NUMA1: variants seen among roughly 807,000 people sequenced by gnomAD.
The protein encoded by NUMA1 is SP-H antigen.
A neutral mutation model predicts 237.1 loss-of-function variants in NUMA1; 62 were observed. That is an observed-to-expected ratio of 0.26 (90% CI 0.21 to 0.32). NUMA1 has a LOEUF of 0.32. NUMA1 is among the 10% of genes least tolerant of loss of function. The pLI is 1.00. For synonymous variants in NUMA1, 1,028 were observed against 1,066.1 expected, an observed-to-expected ratio of 0.96 and a Z score of 0.70; for missense variants, 2,533 against 2,666.5, an observed-to-expected ratio of 0.95 and a Z score of 1.10.
intron 4 of NUMA1, 123 bp from the exon 5 acceptor site, chr11:72,024,476 GAT>G: frequency 2.3e-6 from 2 of 858,904 alleles, no homozygotes; most frequent in Non-Finnish European, 3.8e-6. Flanking sequence ...AAGAGATCCA[GAT>G]CAGATCCTGG....
intron 1 of NUMA1, among the ~76,000 whole-genome samples, chr11:72,072,913 G>A (rs1189479098): frequency 1.3e-5 from 2 of 151,928 alleles, no homozygotes; most frequent in African/African-American, 4.8e-5. Context: ...GCGGTGGCGG[G>A]TGCCTGTAGT....
At chr11:72,068,053 T>G (rs1943277489) in intron 2 of NUMA1, 1 of 152,256 alleles carries the variant, frequency 6.6e-6, no homozygotes, top group Non-Finnish European at 1.5e-5. Context: ...ATACATCATT[T>G]CTGCCTAAAA....
chr11:72,042,099 G>C (rs4945430), intron 2 of NUMA1: 119,626 of 152,228 alleles, frequency 0.79, 50,173 homozygotes, highest in Non-Finnish European at 0.94. Flanking sequence ...ACGCAGGCAC[G>C]GGGACTTGTA....
rs755128206 is a variant in NUMA1 at position 72,013,125 on chromosome 11, G to T, written c.4378C>A (p.Leu1460Ile). The T allele has an allele frequency of 1.8e-5, 29 of 1,614,048 alleles. No homozygotes were observed. The African/African-American group carries it at 3.9e-4, about 22-fold the overall frequency. ...ENRGLGERAN[L>I]GRQFLEVELD... is the part of the protein sequence containing the mutation. ...TCCACTTCCAGAAACTGCCGGCCAAGGTTGGCCCGCTCACCCAGCCCCCGG... is the reference window on the plus strand; with the variant it reads ...TCCACTTCCAGAAACTGCCGGCCAATGTTGGCCCGCTCACCCAGCCCCCGG... Residue 1460 changes from leucine to isoleucine, a missense_variant, in exon 15 of 27, where the codon CTT (leucine) becomes ATT (isoleucine). By Grantham distance (5) the Leu-to-Ile change is conservative. This residue lies in a region of NUMA1 where 324 missense variants were observed against 407.6 expected (regional missense o/e 0.79). Coordinates refer to ENST00000393695, the MANE Select transcript of NUMA1 (RefSeq NM_006185.4). This position sits in a 1 kb window ranked among gnomAD's most constrained non-coding sequence, Gnocchi z 6.8.
intron 2 of NUMA1, among the ~76,000 whole-genome samples, chr11:72,053,455 C>G (rs1942474537): frequency 6.6e-6 from 1 of 152,170 alleles, no homozygotes; most frequent in Admixed American, 6.6e-5. Context: ...ATGAAAGGTT[C>G]CAAACTATAT....
intron 8 of NUMA1, among the ~76,000 whole-genome samples, 154 bp from the exon 9 acceptor site, chr11:72,019,771 A>C (rs929994124): frequency 6.6e-6 from 1 of 152,232 alleles, no homozygotes; most frequent in Admixed American, 6.5e-5. Flanking sequence ...GCAGAACCTG[A>C]AACCTGGTGC....
Position 72,015,536 on chromosome 11 carries a change from T to C in NUMA1, c.1967A>G (p.Gln656Arg), listed in dbSNP as rs2135035754. ...CTGGCGGGCTGTCTCAACACAGGCC[T>C]GGAGTTCCTCCACCTTCCGGCTCAG... ...AELSRKVEELQACVETARQEQ... is the reference protein window; with the variant it reads ...AELSRKVEELRACVETARQEQ... Residue 656 changes from glutamine to arginine, a missense_variant, in exon 15 of 27, where the codon CAG (glutamine) becomes CGG (arginine). Physicochemically the swap from Gln to Arg is conservative, Grantham distance 43. Coordinates refer to ENST00000393695, the MANE Select transcript of NUMA1 (RefSeq NM_006185.4). The surrounding 1 kb of genome is among the most constrained non-coding windows in gnomAD (Gnocchi z 4.0). The C allele has an allele frequency of 6.2e-7, 1 of 1,613,588 alleles. No homozygotes were observed. The highest frequency in any genetic ancestry group is 8.5e-7 in the Non-Finnish European group (1 of 1,180,038).
chr11:72,010,613 C>T (rs1401764778), intron 17 of NUMA1, among the ~76,000 whole-genome samples, 173 bp downstream of exon 17: 1 of 152,168 alleles, frequency 6.6e-6, no homozygotes, highest in Non-Finnish European at 1.5e-5. Context: ...GGTTGTCTCT[C>T]GAGAGCTCCC....
chr11:72,079,639 C>T (rs1943950804), intron 1 of NUMA1, among the ~76,000 whole-genome samples: 1 of 152,066 alleles, frequency 6.6e-6, no homozygotes, highest in Non-Finnish European at 1.5e-5. Flanking sequence ...CACCCACAAT[C>T]TTCACACAGT....
intron 2 of NUMA1, among the ~76,000 whole-genome samples, chr11:72,058,026 G>C (rs565093461): frequency 7.3e-4 from 111 of 152,148 alleles, no homozygotes; most frequent in African/African-American, 2.6e-3. Context: ...AGCCAAGATT[G>C]TGCCACTGCA....
At chr11:72,021,646 C>A (rs559888629) in intron 7 of NUMA1, among the ~76,000 whole-genome samples, 1 of 152,340 alleles carries the variant, frequency 6.6e-6, no homozygotes, top group African/African-American at 2.4e-5. Flanking sequence ...CTTGCTCTGT[C>A]ACCCAGGCTG....
At chr11:72,034,763 C>T (rs73533784) in intron 3 of NUMA1, among the ~76,000 whole-genome samples, 1,693 of 152,098 alleles carry the variant, frequency 0.011, 20 homozygotes, top group African/African-American at 0.039. Flanking sequence ...GTCAGAGAGA[C>T]CAGTGCTGTG....
intron 3 of NUMA1, among the ~76,000 whole-genome samples, chr11:72,035,578 T>C (rs2135708068): frequency 6.6e-6 from 1 of 151,970 alleles, no homozygotes; most frequent in South Asian, 2.1e-4. Flanking sequence ...CAGCTAATTT[T>C]TGTATTTTTA....
intron 4 of NUMA1, among the ~76,000 whole-genome samples, chr11:72,026,821 G>GT (rs1158533646): frequency 6.6e-6 from 1 of 152,186 alleles, no homozygotes; most frequent in Non-Finnish European, 1.5e-5. Flanking sequence ...TATCAGAAAT[G>GT]TAAGAGCCAG....
At chr11:72,031,730 CT>C (rs1940344994) in intron 3 of NUMA1, among the ~76,000 whole-genome samples, 3 of 152,052 alleles carry the variant, frequency 2.0e-5, no homozygotes, top group African/African-American at 7.2e-5. Flanking sequence ...GGGAAGATCG[CT>C]TGAGCCTGGG....
chr11:72,064,639 C>A (rs1319688286), intron 2 of NUMA1, among the ~76,000 whole-genome samples: 2 of 152,010 alleles, frequency 1.3e-5, no homozygotes, highest in Non-Finnish European at 2.9e-5. Flanking sequence ...TCAAGACCAG[C>A]CTGGGCAACA....
chr11:72,015,147 G>A lies in NUMA1; in HGVS notation c.2356C>T (p.Arg786Trp). The change falls in exon 15 of 27, where the codon CGG becomes TGG. Residue 786 changes from arginine (R) to tryptophan (W), a missense_variant. By Grantham distance (101) the Arg-to-Trp change is moderately radical. Around this residue, in one of 3 missense-constraint regions of NUMA1, gnomAD observed 1,414 missense variants for 1,508.1 expected, o/e 0.94. Transcript: ENST00000393695. This position sits in a 1 kb window ranked among gnomAD's most constrained non-coding sequence, Gnocchi z 4.0. ...GCCATGGCCTCTGCCAGCTCCCGCC[G>A]CAGGACTTCAGTCTCAGCCTGATGG... The part of the protein sequence containing the change: ...EAHQAETEVL[R>W]RELAEAMAAQ... 7 of 1,613,392 alleles carry A rather than the reference G, an allele frequency of 4.3e-6. No individual in the cohort carries two copies. The highest frequency in any genetic ancestry group is 5.1e-6 in the Non-Finnish European group (6 of 1,180,032).
intron 10 of NUMA1, 23 bp from the exon 11 acceptor site, chr11:72,018,536 G>A: frequency 1.3e-6 from 2 of 1,590,930 alleles, no homozygotes; most frequent in African/African-American, 1.3e-5. Context: ...GAGGGAGGAG[G>A]AGAGGAGAAT....
chr11:72,049,585 T>A (rs1215672484), intron 2 of NUMA1: 4 of 13,106 alleles, frequency 3.1e-4, no homozygotes, highest in South Asian at 1.9e-3. Context: ...ATATATATAG[T>A]GTGTGTGTGT....
Sources: gnomAD v4.1 joint callset for allele counts (sites outside exome capture counted in the v4.1 genomes callset) on GRCh38, gnomAD v4.1.1 for gene constraint, gnomAD v4.1.1 regional missense constraint, Gnocchi (gnomAD v3.1) non-coding constraint, MANE v1.5 for transcripts, NCBI Gene and HGNC (gene_info 2026-07-23, HGNC 2026-07-21) for gene names.